FAXDC2: variants seen among roughly 807,000 people sequenced by gnomAD.
FAXDC2 encodes the protein fatty acid hydroxylase domain-containing protein 2.
Under a neutral mutation model 40.9 loss-of-function variants are expected in FAXDC2, and 41 were observed. The observed-to-expected ratio is 1.00, with a 90% CI of 0.78 to 1.30. FAXDC2 has a LOEUF of 1.30. Among genes scored for constraint, FAXDC2 ranks in the 50% most tolerant of loss-of-function variants. The probability of loss-of-function intolerance (pLI) is 0.00; values close to 1 mark genes in which losing one functional copy is unlikely to be tolerated. For missense variants in FAXDC2, 390 were observed against 408.8 expected, an observed-to-expected ratio of 0.95 and a Z score of 0.40; for synonymous variants, 157 against 149.3, an observed-to-expected ratio of 1.05 and a Z score of -0.38.
intron 5 of FAXDC2, among the ~76,000 whole-genome samples, chr5:154,829,780 CAG>C (rs766284312): frequency 6.6e-6 from 1 of 152,196 alleles, no homozygotes; most frequent in Non-Finnish European, 1.5e-5. Flanking sequence ...AGCATTTAGT[CAG>C]TGGTGCTACA....
intron 6 of FAXDC2, 71 bp from the exon 7 acceptor site, chr5:154,822,648 C>A: frequency 3.3e-6 from 4 of 1,215,066 alleles, no homozygotes; most frequent in Admixed American, 3.6e-5. Context: ...CCATGAGAAA[C>A]CAAAAATAGG....
At position 154,823,610 on chromosome 5, in the gene FAXDC2, G is replaced by A; in HGVS notation, c.367-18C>T. The A allele has an allele frequency of 6.2e-7, 1 of 1,601,158 alleles. No homozygotes were observed. On this transcript the variant is annotated intron_variant, in intron 5 of 8. Transcript: ENST00000326080. The stretch of plus-strand genomic sequence containing the variant: ...GGATCCACCTGCCCAAGGGAAGGGA[G>A]GAGGGAGATGGATAAGAGTGTGAGA...
At chr5:154,841,072 C>T (rs762107190) in intron 1 of FAXDC2, among the ~76,000 whole-genome samples, 25 of 152,176 alleles carry the variant, frequency 1.6e-4, no homozygotes, top group Non-Finnish European at 3.4e-4. Flanking sequence ...GCCAGGGAGA[C>T]ACTGTCTGAC....
intron 5 of FAXDC2, among the ~76,000 whole-genome samples, chr5:154,826,665 A>G (rs1404957009): frequency 6.6e-6 from 1 of 152,116 alleles, no homozygotes; most frequent in East Asian, 1.9e-4. Context: ...CTCTAATGAA[A>G]CCATATCATT....
At chr5:154,848,579 T>A (rs915157933) in intron 1 of FAXDC2, among the ~76,000 whole-genome samples, 21 of 152,146 alleles carry the variant, frequency 1.4e-4, no homozygotes, top group African/African-American at 4.8e-4. Flanking sequence ...GTTTAAAGCC[T>A]CTGGTGAAGA....
At position 154,822,507 on chromosome 5, in the gene FAXDC2, C is replaced by T. The variant is rs755057180; in HGVS notation, c.643G>A (p.Val215Met). Residue 215 changes from valine to methionine, a missense_variant, in exon 7 of 9, where the codon GTG becomes ATG. Val to Met is a conservative substitution (Grantham distance 21, BLOSUM62 1). Transcript: ENST00000326080. Reference protein sequence around the residue: ...KHHEWTAPIGVISLYAHPIEH... With the variant: ...KHHEWTAPIGMISLYAHPIEH... ...ATAGGGTGGGCATAGAGAGAGATCACGCCAATGGGAGCTGTCCACTCATGG... is the reference window on the plus strand; with the variant it reads ...ATAGGGTGGGCATAGAGAGAGATCATGCCAATGGGAGCTGTCCACTCATGG... 29 of 1,613,892 alleles carry T rather than the reference C, an allele frequency of 1.8e-5. No individual in the cohort carries two copies. The South Asian group carries it at 2.2e-4, about 12-fold the overall frequency.
intron 1 of FAXDC2, among the ~76,000 whole-genome samples, chr5:154,839,259 G>A (rs556627896): frequency 6.0e-5 from 9 of 150,856 alleles, no homozygotes; most frequent in Non-Finnish European, 8.9e-5. Context: ...CCGGGAGGCG[G>A]AGGTTGCACT....
intron 2 of FAXDC2, among the ~76,000 whole-genome samples, chr5:154,837,557 T>C (rs1760380300): frequency 6.6e-6 from 1 of 152,208 alleles, no homozygotes; most frequent in South Asian, 2.1e-4. Flanking sequence ...TCTAGACTCA[T>C]TGGAAGTTTT....
chr5:154,843,080 C>T (rs1249251407), intron 1 of FAXDC2, among the ~76,000 whole-genome samples: 3 of 152,166 alleles, frequency 2.0e-5, no homozygotes, highest in Non-Finnish European at 4.4e-5. Flanking sequence ...AGAGCCTTCA[C>T]GTTAGTGTGG....
At chr5:154,829,934 C>T (rs12189508) in intron 5 of FAXDC2, among the ~76,000 whole-genome samples, 16,934 of 152,174 alleles carry the variant, frequency 0.11, 1,078 homozygotes, top group African/African-American at 0.17. Flanking sequence ...GTGAGGGGGA[C>T]AGTAAGCCAG....
At chr5:154,826,566 G>C (rs2113131262) in intron 5 of FAXDC2, among the ~76,000 whole-genome samples, 1 of 151,720 alleles carries the variant, frequency 6.6e-6, no homozygotes, top group East Asian at 1.9e-4. Context: ...ATATTGAGGG[G>C]CTACCTAGAG....
intron 1 of FAXDC2, among the ~76,000 whole-genome samples, chr5:154,842,407 T>C (rs1325796311): frequency 1.4e-5 from 2 of 145,948 alleles, no homozygotes; most frequent in Non-Finnish European, 3.0e-5. Context: ...GGTTTCACCA[T>C]ATTGGCCAGG....
intron 4 of FAXDC2, 171 bp from the exon 5 acceptor site, chr5:154,831,093 G>C (rs1330837158): frequency 1.6e-6 from 1 of 617,978 alleles, no homozygotes; most frequent in African/African-American, 1.8e-5. Flanking sequence ...TAGGAACTTG[G>C]ACAGGCCATT....
chr5:154,833,834 A>AT (rs1311549597), intron 4 of FAXDC2, among the ~76,000 whole-genome samples: 6 of 150,312 alleles, frequency 4.0e-5, no homozygotes, highest in African/African-American at 1.5e-4. Flanking sequence ...TGCCCAGCTA[A>AT]TTTTTTTGTA....
At chr5:154,838,720 C>T (rs756662473) in intron 1 of FAXDC2, 2 of 155,720 alleles carry the variant, frequency 1.3e-5, no homozygotes, top group Non-Finnish European at 2.8e-5. Flanking sequence ...TGCTCAGCCT[C>T]CTGAGTAGCT....
At chr5:154,828,296 TTTTTG>T (rs550510850) in intron 5 of FAXDC2, among the ~76,000 whole-genome samples, 41 of 152,230 alleles carry the variant, frequency 2.7e-4, no homozygotes, top group South Asian at 2.3e-3. Context: ...GGTGGGGTTT[TTTTTG>T]TTTTGTTTTG....
intron 5 of FAXDC2, among the ~76,000 whole-genome samples, chr5:154,826,142 G>A (rs1760029320): frequency 6.6e-6 from 1 of 152,018 alleles, no homozygotes; most frequent in African/African-American, 2.4e-5. Context: ...TAGAGAAGAG[G>A]ACCAAGGCCA....
intron 2 of FAXDC2, among the ~76,000 whole-genome samples, chr5:154,835,951 CACCATCTTGGCTCACT>C (rs1419410835): frequency 1.5e-5 from 2 of 131,246 alleles, no homozygotes; most frequent in Admixed American, 9.0e-5. Context: ...TGGAGTGAAG[CACCATCTTGGCTCACT>C]GCAACCTCCG....
chr5:154,822,614 C>T, intron 6 of FAXDC2, 37 bp from the exon 7 acceptor site: 2 of 1,512,582 alleles, frequency 1.3e-6, no homozygotes, highest in African/African-American at 1.4e-5. Flanking sequence ...CCTGCTGATT[C>T]CTCTTTCTCC....
Sources: gnomAD v4.1 joint callset for allele counts (sites outside exome capture counted in the v4.1 genomes callset) on GRCh38, gnomAD v4.1.1 for gene constraint, MANE v1.5 for transcripts, NCBI Gene and HGNC (gene_info 2026-07-23, HGNC 2026-07-21) for gene names.